PARN: variants seen among roughly 807,000 people sequenced by gnomAD.
PARN encodes poly(A)-specific ribonuclease.
Under a neutral mutation model 102.8 loss-of-function variants are expected in PARN, and 71 were observed. The observed-to-expected ratio is 0.69, with a 90% CI of 0.57 to 0.84. PARN has a LOEUF of 0.84. PARN is among the 40% of genes least tolerant of loss of function. The pLI, the probability that PARN is intolerant of heterozygous loss-of-function variation, is 0.00. For synonymous variants in PARN, 261 were observed against 252.9 expected, an observed-to-expected ratio of 1.03 and a Z score of -0.30; for missense variants, 782 against 760.9, an observed-to-expected ratio of 1.03 and a Z score of -0.33.
intron 11 of PARN, among the ~76,000 whole-genome samples, chr16:14,603,535 T>C (rs1462834508): frequency 2.0e-5 from 3 of 152,084 alleles, no homozygotes; most frequent in African/African-American, 4.8e-5. Context: ...ATCTTCCTCC[T>C]TCCCCCTTCC....
At chr16:14,597,752 G>A (rs576935084) in intron 12 of PARN, among the ~76,000 whole-genome samples, 3 of 151,828 alleles carry the variant, frequency 2.0e-5, no homozygotes, top group Admixed American at 6.6e-5. Flanking sequence ...TGGTATTCTT[G>A]CCAAACCATA....
intron 6 of PARN, among the ~76,000 whole-genome samples, chr16:14,612,344 G>A (rs1971566100): frequency 6.6e-6 from 1 of 152,068 alleles, no homozygotes; most frequent in African/African-American, 2.4e-5. Flanking sequence ...GGCTAAGGCA[G>A]GAGAATCACT....
intron 21 of PARN, among the ~76,000 whole-genome samples, chr16:14,495,694 G>A (rs1163376897): frequency 2.6e-5 from 4 of 152,204 alleles, no homozygotes; most frequent in Non-Finnish European, 5.9e-5. Flanking sequence ...GCGAGCTGGG[G>A]TTGTGGGAGT....
At chr16:14,596,771 G>T (rs1357301911) in intron 12 of PARN, among the ~76,000 whole-genome samples, 1 of 151,128 alleles carries the variant, frequency 6.6e-6, no homozygotes, top group Non-Finnish European at 1.5e-5. Flanking sequence ...CAGGGGAAAA[G>T]GACATTTTTT....
At chr16:14,549,973 G>A (rs1447198709) in intron 21 of PARN, among the ~76,000 whole-genome samples, 1 of 152,202 alleles carries the variant, frequency 6.6e-6, no homozygotes, top group Non-Finnish European at 1.5e-5. Context: ...TAGTCCCCGT[G>A]TCAGTCTGTG....
At chr16:14,612,587 T>A (rs1477536274) in intron 6 of PARN, among the ~76,000 whole-genome samples, 1 of 152,094 alleles carries the variant, frequency 6.6e-6, no homozygotes. Flanking sequence ...CTTTTGGACA[T>A]ACTATTTTTT....
At chr16:14,550,263 T>A (rs897552567) in intron 21 of PARN, among the ~76,000 whole-genome samples, 1 of 151,676 alleles carries the variant, frequency 6.6e-6, no homozygotes, top group Non-Finnish European at 1.5e-5. Context: ...AGAAAAAATC[T>A]CTATGCAAAA....
intron 22 of PARN, among the ~76,000 whole-genome samples, chr16:14,479,912 CCTT>C (rs1567307758): frequency 6.8e-6 from 1 of 147,838 alleles, no homozygotes; most frequent in Non-Finnish European, 1.5e-5. Flanking sequence ...AAATTACAAA[CCTT>C]CTACCAAAAA....
chr16:14,495,283 T>C (rs1964254791), intron 21 of PARN, among the ~76,000 whole-genome samples: 1 of 151,976 alleles, frequency 6.6e-6, no homozygotes, highest in African/African-American at 2.4e-5. Flanking sequence ...GTTCACGGGT[T>C]TGAGGCCAGC....
intron 22 of PARN, among the ~76,000 whole-genome samples, chr16:14,462,650 GAGAAGAAGA>G (rs146679843): frequency 1.3e-5 from 2 of 150,616 alleles, no homozygotes; most frequent in Non-Finnish European, 3.0e-5. Context: ...GAGACAGAGA[GAGAAGAAGA>G]AGAAGAAGAA....
intron 21 of PARN, among the ~76,000 whole-genome samples, chr16:14,532,182 T>A (rs944896056): frequency 2.0e-5 from 3 of 151,246 alleles, no homozygotes; most frequent in Non-Finnish European, 4.4e-5. Context: ...TGATTTTTTT[T>A]TTTTTTTTTT....
intron 18 of PARN, among the ~76,000 whole-genome samples, chr16:14,574,610 G>A (rs1019968247): frequency 2.0e-5 from 3 of 152,136 alleles, no homozygotes; most frequent in Non-Finnish European, 4.4e-5. Context: ...CTACTCAGGA[G>A]GCTGAGGCAG....
chr16:14,443,640 G>A (rs748892166), intron 23 of PARN, among the ~76,000 whole-genome samples: 2 of 152,220 alleles, frequency 1.3e-5, no homozygotes, highest in African/African-American at 2.4e-5. Context: ...TACCCGGTAA[G>A]ATTAAATTTT....
intron 22 of PARN, among the ~76,000 whole-genome samples, chr16:14,472,822 G>A (rs1962823791): frequency 6.6e-6 from 1 of 152,054 alleles, no homozygotes; most frequent in Non-Finnish European, 1.5e-5. Context: ...GTTTCTTCTG[G>A]GCAGCAAAGT....
intron 22 of PARN, among the ~76,000 whole-genome samples, chr16:14,448,989 A>G (rs1961324065): frequency 6.6e-6 from 1 of 152,184 alleles, no homozygotes; most frequent in African/African-American, 2.4e-5. Context: ...AAGATTTTTT[A>G]AAGACTAGAA....
At chr16:14,575,901 C>T (rs1342544312) in intron 18 of PARN, among the ~76,000 whole-genome samples, 2 of 152,148 alleles carry the variant, frequency 1.3e-5, no homozygotes, top group African/African-American at 2.4e-5. Context: ...CAGGTCTTTC[C>T]TGCACTGTTC....
rs1009371684 is a variant in PARN, at chr16:14,529,146, G to A, written c.1480+22875C>T. On this transcript the variant is annotated intron_variant, in intron 21 of 23. Coordinates refer to ENST00000437198, the MANE Select transcript of PARN (RefSeq NM_002582.4). ...TGCCTAACCAAGGCCCCTCTGCCAGGCTTCTCCAGCTCCGGACTCTAAAGG... is the reference window on the plus strand; with the variant it reads ...TGCCTAACCAAGGCCCCTCTGCCAGACTTCTCCAGCTCCGGACTCTAAAGG... Among the ~76,000 whole-genome samples, 3 of 152,264 alleles carry A rather than the reference G, an allele frequency of 2.0e-5. No individual in the cohort carries two copies. In the South Asian group the frequency reaches 6.2e-4, roughly 32 times the overall value.
At chr16:14,589,005 C>T (rs1177915058) in intron 13 of PARN, among the ~76,000 whole-genome samples, 6 of 151,984 alleles carry the variant, frequency 3.9e-5, no homozygotes, top group East Asian at 1.9e-4. Context: ...CATGGTGAAA[C>T]TCCGTCTCTA....
At chr16:14,470,646 A>G (rs1435107239) in intron 22 of PARN, among the ~76,000 whole-genome samples, 9 of 151,072 alleles carry the variant, frequency 6.0e-5, no homozygotes, top group African/African-American at 2.0e-4. Flanking sequence ...TTTTGTAGAG[A>G]CAGGGTTTCG....
Sources: gnomAD v4.1 joint callset for allele counts (sites outside exome capture counted in the v4.1 genomes callset) on GRCh38, gnomAD v4.1.1 for gene constraint, MANE v1.5 for transcripts, NCBI Gene and HGNC (gene_info 2026-07-23, HGNC 2026-07-21) for gene names.